Variants in TMEM255A observed in about 807,000 individuals in gnomAD.
TMEM255A encodes transmembrane protein 255A, also known as family with sequence similarity 70, member A.
Under a neutral mutation model 23.5 loss-of-function variants are expected in TMEM255A, and 14 were observed. The ratio of observed to expected loss-of-function variants is 0.60; its 90% CI spans 0.39 to 0.93. The LOEUF is 0.93. TMEM255A is among the 40% of genes least tolerant of loss of function. TMEM255A has a pLI of 0.00. For missense variants in TMEM255A, 233 were observed against 261.7 expected (o/e 0.89, Z 0.76); for synonymous variants, 104 against 100.3 (o/e 1.04, Z -0.22).
At chrX:120,285,715 G>T in intron 5 of TMEM255A, 1 of 1,209,861 alleles carries the variant, frequency 8.3e-7, no homozygotes, top group Non-Finnish European at 1.1e-6. Context: ...GGAAAAATAG[G>T]GTTAGGGGGA....
chrX:120,274,943 A>C (rs2057786262), intron 7 of TMEM255A, among the ~76,000 whole-genome samples: 1 of 86,633 alleles, frequency 1.2e-5, no homozygotes, highest in African/African-American at 3.9e-5. Context: ...CAATTTAGAG[A>C]ACTCTTAACA....
At chrX:120,276,777 T>G (rs2057801336) in intron 7 of TMEM255A, 108 bp downstream of exon 7, 1 of 856,732 alleles carries the variant, frequency 1.2e-6, no homozygotes, top group African/African-American at 2.0e-5. Flanking sequence ...AGCAATTGCT[T>G]CTGATTCTTC....
intron 1 of TMEM255A, among the ~76,000 whole-genome samples, chrX:120,306,084 A>G (rs2058063358): frequency 8.9e-6 from 1 of 111,851 alleles, no homozygotes; most frequent in African/African-American, 3.3e-5. Flanking sequence ...ACCCTGGGGA[A>G]GAGGTAAGAA....
intron 1 of TMEM255A, among the ~76,000 whole-genome samples, chrX:120,308,976 G>GA (rs1255024228): frequency 8.9e-6 from 1 of 112,710 alleles, no homozygotes; most frequent in African/African-American, 3.2e-5. Flanking sequence ...AGTCCCCTCA[G>GA]AAATGCTGCC....
At chrX:120,273,821 A>G (rs1306409438) in intron 7 of TMEM255A, among the ~76,000 whole-genome samples, 1 of 112,147 alleles carries the variant, frequency 8.9e-6, no homozygotes, top group African/African-American at 3.2e-5. Flanking sequence ...GGAACGTAAA[A>G]TGACACAGCT....
intron 2 of TMEM255A, among the ~76,000 whole-genome samples, chrX:120,295,190 G>A (rs1445369316): frequency 1.8e-5 from 2 of 111,619 alleles, no homozygotes; most frequent in Non-Finnish European, 3.8e-5. Context: ...TGGTGAGAAC[G>A]GACCAATAAA....
chrX:120,260,052 A>C lies in TMEM255A; in HGVS notation c.*818T>G. On this transcript the variant is annotated 3_prime_UTR_variant, in exon 9 of 9. Transcript: ENST00000371369. ...CAAGAACCTAATTTATAACATTTTT[A>C]AACTCTGAATTACAACCATAAGATT... 1.4e-5 allele frequency: 9 copies of C among 651,431 alleles called. No homozygotes were observed. Among genetic ancestry groups the C allele is most frequent in the Non-Finnish European group, 1.7e-5 (9 of 545,242 alleles). 53.7% of individuals were successfully genotyped at this position (651,431 alleles called of 1,213,427 possible).
intron 8 of TMEM255A, among the ~76,000 whole-genome samples, chrX:120,264,412 G>C (rs148814139): frequency 5.4e-4 from 60 of 110,642 alleles, no homozygotes; most frequent in African/African-American, 1.9e-3. Flanking sequence ...AAAGAATCCA[G>C]TTTCTCTAAG....
In TMEM255A at chrX:120,311,408, GGTCCTTCC is replaced by G; in HGVS notation, c.-107_-100del. 3 of 709,114 alleles carry G rather than the reference GGTCCTTCC, an allele frequency of 4.2e-6. No individual in the cohort carries two copies. The highest frequency in any genetic ancestry group is 6.6e-6 in the Non-Finnish European group (3 of 457,905). 58.4% of individuals were successfully genotyped at this position (709,114 alleles called of 1,213,427 possible). ...ATCCTACTCCGCGGTTGCCTCTCTC[GGTCCTTCC>G]GAGAGCTGAGAGACACTGCCTCTGG... On this transcript the variant is annotated 5_prime_UTR_variant, in exon 1 of 9. Coordinates refer to ENST00000371369, the MANE Select transcript of TMEM255A (RefSeq NM_001104544.3).
intron 8 of TMEM255A, among the ~76,000 whole-genome samples, chrX:120,263,454 G>C (rs2057693806): frequency 9.0e-6 from 1 of 111,730 alleles, no homozygotes; most frequent in Non-Finnish European, 1.9e-5. Context: ...GGACACAGAT[G>C]GCTTTCCTCT....
chrX:120,285,008 T>TTAACAGATTTTGGC, intron 6 of TMEM255A, 119 bp downstream of exon 6: 1 of 651,180 alleles, frequency 1.5e-6, no homozygotes, highest in Non-Finnish European at 2.5e-6. Flanking sequence ...CCAAAATCTG[T>TTAACAGATTTTGGC]TAACAGATCA....
In TMEM255A at chrX:120,309,209, C is replaced by CGGTCTG. The variant is rs2058083164; in HGVS notation, c.58+2037_58+2042dup. ...GGACTCAGGAATTTGCCAGTGCCGT[C>CGGTCTG]GGTCTGCGGACTTCAAAAAGTGGAA... On this transcript the variant is annotated intron_variant, in intron 1 of 8. Coordinates refer to ENST00000371369, the MANE Select transcript of TMEM255A (RefSeq NM_001104544.3). Among the ~76,000 whole-genome samples, 3 of 112,803 alleles carry CGGTCTG rather than the reference C, an allele frequency of 2.7e-5. No homozygotes were observed. The Admixed American group carries it at 2.8e-4, about 10-fold the overall frequency.
In TMEM255A at chrX:120,304,663, G is replaced by C. The variant is rs192942942; in HGVS notation, c.59-172C>G. On this transcript the variant is annotated intron_variant, in intron 1 of 8. Transcript: ENST00000371369. ...AAGGGATAGAGCATTATTTTTTGTAGTCATCAGGTGCCACTTTTATAATAA... is the reference window on the plus strand; with the variant it reads ...AAGGGATAGAGCATTATTTTTTGTACTCATCAGGTGCCACTTTTATAATAA... Among the ~76,000 whole-genome samples, 3 of 111,604 alleles carry C rather than the reference G, an allele frequency of 2.7e-5. No individual in the cohort carries two copies. In the Admixed American group the frequency reaches 2.8e-4, roughly 11 times the overall value.
intron 2 of TMEM255A, among the ~76,000 whole-genome samples, chrX:120,295,137 A>G (rs1443560406): frequency 8.9e-6 from 1 of 112,038 alleles, no homozygotes; most frequent in African/African-American, 3.2e-5. Flanking sequence ...ATGATCACTA[A>G]CTGATAGCTG....
chrX:120,253,384 C>CT, the TMEM255A span: 11 of 1,153,413 alleles, frequency 9.5e-6, no homozygotes, highest in Non-Finnish European at 1.3e-5. Flanking sequence ...CTCTAATCCT[C>CT]TCCCATCCCC....
At chrX:120,299,103 T>C (rs781885654) in intron 2 of TMEM255A, among the ~76,000 whole-genome samples, 1 of 111,742 alleles carries the variant, frequency 8.9e-6, no homozygotes, top group African/African-American at 3.2e-5. Context: ...GGTGAGAACC[T>C]TGTGGTATTA....
intron 5 of TMEM255A, among the ~76,000 whole-genome samples, chrX:120,286,605 T>C (rs149993167): frequency 1.8e-5 from 2 of 111,836 alleles, no homozygotes; most frequent in African/African-American, 6.5e-5. Flanking sequence ...CAAGCATTAT[T>C]AGGCTGGCCT....
At chrX:120,252,646 T>C in the TMEM255A span, 1 of 112,388 alleles carries the variant, frequency 8.9e-6, no homozygotes. Context: ...TTCCTTTTCC[T>C]TTGTCATATT....
At chrX:120,268,505 G>A in intron 7 of TMEM255A, 118 bp from the exon 8 acceptor site, 1 of 488,312 alleles carries the variant, frequency 2.0e-6, no homozygotes, top group Non-Finnish European at 3.1e-6. Flanking sequence ...CAATGATGTG[G>A]ACCTATTTAG....
Sources: gnomAD v4.1 joint callset for allele counts (sites outside exome capture counted in the v4.1 genomes callset) on GRCh38, gnomAD v4.1.1 for gene constraint, MANE v1.5 for transcripts, NCBI Gene and HGNC (gene_info 2026-07-23, HGNC 2026-07-21) for gene names.